Variants in SPTBN1 observed in about 807,000 individuals in gnomAD.
SPTBN1 encodes the protein spectrin beta, non-erythrocytic 1.
A neutral mutation model predicts 266.4 loss-of-function variants in SPTBN1; 32 were observed. The ratio of observed to expected loss-of-function variants is 0.12; its 90% CI spans 0.09 to 0.16. The LOEUF is 0.16. Ranked by LOEUF, SPTBN1 falls within the 10% of genes least tolerant of loss-of-function variation. SPTBN1 has a pLI of 1.00. For synonymous variants in SPTBN1, 1,336 were observed against 1,162.2 expected (o/e 1.15, Z -3.04); for missense variants, 2,296 against 3,067.1 (o/e 0.75, Z 5.94).
intron 34 of SPTBN1, 104 bp from the exon 35 acceptor site, chr2:54,667,500 G>A: frequency 9.0e-7 from 1 of 1,108,764 alleles, no homozygotes; most frequent in South Asian, 1.4e-5. Flanking sequence ...CGCTTCTGTT[G>A]TGACTCCTGT....
At chr2:54,557,573 A>T (rs1672958905) in intron 2 of SPTBN1, among the ~76,000 whole-genome samples, 1 of 152,150 alleles carries the variant, frequency 6.6e-6, no homozygotes, top group African/African-American at 2.4e-5. Context: ...GCCTTGTTTT[A>T]CAAATCAGAG....
intron 8 of SPTBN1, 131 bp from the exon 9 acceptor site, chr2:54,622,169 G>A (rs1238274545): frequency 1.1e-6 from 1 of 876,798 alleles, no homozygotes; most frequent in East Asian, 2.6e-5. Context: ...AGGTACAGCT[G>A]AACTGTTTCA....
chr2:54,648,878 A>C (rs1213049674), intron 24 of SPTBN1, 108 bp from the exon 25 acceptor site: 1 of 1,051,738 alleles, frequency 9.5e-7, no homozygotes, highest in African/African-American at 1.6e-5. Context: ...TCCTTTGAGA[A>C]ATATGATGTA....
chr2:54,638,510 A>T (rs1221658347), intron 18 of SPTBN1, among the ~76,000 whole-genome samples: 2 of 152,274 alleles, frequency 1.3e-5, no homozygotes, highest in Non-Finnish European at 1.5e-5. Context: ...TTAATGTGGC[A>T]TTAATCTGAT....
At chr2:54,594,634 A>G (rs1340643853) in intron 2 of SPTBN1, among the ~76,000 whole-genome samples, 1 of 152,152 alleles carries the variant, frequency 6.6e-6, no homozygotes, top group Non-Finnish European at 1.5e-5. Context: ...TTAATAAAAA[A>G]GAAAAAAAGT....
At chr2:54,621,099 G>A (rs984286999) in intron 7 of SPTBN1, among the ~76,000 whole-genome samples, 1 of 152,172 alleles carries the variant, frequency 6.6e-6, no homozygotes, top group Non-Finnish European at 1.5e-5. Context: ...GGGCGGTGCT[G>A]GTCCTGTAGG....
intron 1 of SPTBN1, among the ~76,000 whole-genome samples, chr2:54,491,156 G>A (rs1463393460): frequency 6.6e-6 from 1 of 152,160 alleles, no homozygotes; most frequent in Admixed American, 6.5e-5. Flanking sequence ...CTAAGGTCAA[G>A]GTTAGACTTT....
intron 32 of SPTBN1, chr2:54,662,339 T>A: frequency 1.0e-6 from 1 of 983,844 alleles, no homozygotes; most frequent in Non-Finnish European, 1.2e-6. Flanking sequence ...AGTGATTCAT[T>A]TGCATAAACA....
At chr2:54,622,611 A>C in intron 9 of SPTBN1, 124 bp downstream of exon 9, 4 of 1,086,108 alleles carry the variant, frequency 3.7e-6, no homozygotes, top group Non-Finnish European at 4.0e-6. Flanking sequence ...AGTGTGTCCT[A>C]CTCCTTTTCA....
At chr2:54,586,272 T>C (rs1247301448) in intron 2 of SPTBN1, among the ~76,000 whole-genome samples, 1 of 152,228 alleles carries the variant, frequency 6.6e-6, no homozygotes, top group African/African-American at 2.4e-5. Context: ...CAATCTGTCG[T>C]TTCAACCCTG....
At chr2:54,660,998 G>C (rs1681002922) in intron 32 of SPTBN1, 23 of 985,262 alleles carry the variant, frequency 2.3e-5, no homozygotes, top group Non-Finnish European at 2.8e-5. Context: ...GGTTCATCCT[G>C]ATTACTTGAA....
rs919612957 is a variant in SPTBN1, at chr2:54,540,601, T to G, written c.148+14035T>G. ...CTCTTCCCCCTTTGCCTCTTTACCT[T>G]CCATGTTCCTTGGATATCAGGGGCA... On this transcript the variant is annotated intron_variant, in intron 2 of 35. Coordinates refer to ENST00000356805, the MANE Select transcript of SPTBN1 (RefSeq NM_003128.3). This position sits in a 1 kb window ranked among gnomAD's most constrained non-coding sequence, Gnocchi z 5.6. 2.0e-5 allele frequency: 3 copies of G among 152,248 alleles called. No individual in the cohort carries two copies. Among genetic ancestry groups the G allele is most frequent in the Non-Finnish European group, 2.9e-5 (2 of 68,044 alleles). 9.4% of individuals were successfully genotyped at this position (152,248 alleles called of 1,614,324 possible). A position where few individuals can be genotyped will look rare whatever the true frequency, so the allele number is the denominator to read the frequency against.
intron 30 of SPTBN1, 108 bp downstream of exon 30, chr2:54,658,154 G>T (rs1680802806): frequency 7.9e-6 from 11 of 1,396,012 alleles, no homozygotes; most frequent in Non-Finnish European, 7.8e-6. Flanking sequence ...TGTTTTTTGG[G>T]TTTTTTTCAA....
intron 2 of SPTBN1, among the ~76,000 whole-genome samples, chr2:54,553,306 A>G (rs1672686999): frequency 6.6e-6 from 1 of 152,174 alleles, no homozygotes; most frequent in Admixed American, 6.5e-5. Context: ...TAAGGATTCA[A>G]GAGTGGGAGA....
At chr2:54,564,584 A>G (rs1008017658) in intron 2 of SPTBN1, among the ~76,000 whole-genome samples, 3 of 152,216 alleles carry the variant, frequency 2.0e-5, no homozygotes, top group African/African-American at 7.2e-5. Flanking sequence ...TGTACCCCAC[A>G]GAAGTTGTGA....
At chr2:54,458,666 C>T (rs1055073893) in intron 1 of SPTBN1, among the ~76,000 whole-genome samples, 5 of 152,126 alleles carry the variant, frequency 3.3e-5, no homozygotes, top group Admixed American at 2.6e-4. Flanking sequence ...CATGTTTAGT[C>T]TCGGCCAGGA....
At position 54,659,224 on chromosome 2, in the gene SPTBN1, C is replaced by G. The variant is rs140309233; in HGVS notation, c.6314C>G (p.Pro2105Arg). Residue 2105 changes from proline (P) to arginine (R), a missense_variant, in exon 31 of 36, where the codon CCG becomes CGG. Coordinates refer to ENST00000356805, the MANE Select transcript of SPTBN1 (RefSeq NM_003128.3). ...AAGAGGCGGCCGCCTTCTCCCGAGC[C>G]GAGCACGAAGGTTTCAGAGGAAGCC... ...ERKRRPPSPE[P>R]STKVSEEAES... is the part of the protein sequence containing the mutation. The G allele has an allele frequency of 1.2e-6, 2 of 1,614,052 alleles. No homozygotes were observed. The highest frequency in any genetic ancestry group is 4.5e-5 in the East Asian group (2 of 44,876).
intron 2 of SPTBN1, among the ~76,000 whole-genome samples, chr2:54,567,727 C>G (rs1416690811): frequency 6.6e-6 from 1 of 152,032 alleles, no homozygotes; most frequent in African/African-American, 2.4e-5. Flanking sequence ...ATAAATATAC[C>G]TATTTACATT....
chr2:54,630,976 G>A lies in SPTBN1; in HGVS notation c.2929G>A (p.Val977Ile). ...TKSWIREKTK[V>I]IESTQDLGND... ...ATCCTGGATTCGGGAAAAGACCAAG[G>A]TCATCGAGTCCACCCAGGACCTGGG... Residue 977 changes from valine to isoleucine, a missense_variant, in exon 16 of 36, where the codon GTC becomes ATC. By Grantham distance (29) the Val-to-Ile change is conservative. Around this residue, in one of 12 missense-constraint regions of SPTBN1, gnomAD observed 128 missense variants for 176.5 expected, o/e 0.73. Coordinates refer to ENST00000356805, the MANE Select transcript of SPTBN1 (RefSeq NM_003128.3). 1 of 1,614,172 alleles carries A rather than the reference G, an allele frequency of 6.2e-7. No individual in the cohort carries two copies. Among genetic ancestry groups the A allele is most frequent in the Non-Finnish European group, 8.5e-7 (1 of 1,180,054 alleles).
Sources: allele counts gnomAD v4.1 joint callset (sites outside exome capture counted in the v4.1 genomes callset), GRCh38; gene constraint gnomAD v4.1.1; regional missense constraint gnomAD v4.1.1; non-coding constraint Gnocchi (gnomAD v3.1); transcripts MANE v1.5; gene names NCBI Gene and HGNC (gene_info 2026-07-23, HGNC 2026-07-21).